The following RTN4 variants were observed in gnomAD, a reference collection of about 807,000 sequenced individuals.
The protein encoded by RTN4 is reticulon 4.
In RTN4, 32 loss-of-function variants were observed where a neutral mutation model predicts 90.4. That is an observed-to-expected ratio of 0.35 (90% confidence interval 0.27 to 0.48). RTN4 has a LOEUF of 0.48. RTN4 is among the 20% of genes least tolerant of loss of function. The pLI is 0.99. For missense variants in RTN4, 1,706 were observed against 1,430.2 expected (o/e 1.19, Z -3.11); for synonymous variants, 629 against 552.5 (o/e 1.14, Z -1.94).
chr2:55,043,009 A>G (rs902285732), intron 1 of RTN4, among the ~76,000 whole-genome samples: 1 of 152,336 alleles, frequency 6.6e-6, no homozygotes, highest in Middle Eastern at 3.4e-3. Context: ...AGAAACATAA[A>G]TATCAATAGC....
At chr2:55,003,925 G>A (rs1475383683) in intron 3 of RTN4, among the ~76,000 whole-genome samples, 1 of 152,092 alleles carries the variant, frequency 6.6e-6, no homozygotes, top group Non-Finnish European at 1.5e-5. Context: ...ACGCGGGGTG[G>A]AGGGCTGGAA....
At chr2:54,992,534 C>A (rs1474768747) in intron 3 of RTN4, among the ~76,000 whole-genome samples, 1 of 151,980 alleles carries the variant, frequency 6.6e-6, no homozygotes, top group Non-Finnish European at 1.5e-5. Context: ...GAGAACAGGG[C>A]TTTACTCCAA....
chr2:55,022,929 ACC>A (rs1491146051), intron 3 of RTN4, among the ~76,000 whole-genome samples: 144 of 149,970 alleles, frequency 9.6e-4, no homozygotes, highest in African/African-American at 3.4e-3. Context: ...ACACACACAC[ACC>A]CTGCTCTCCC....
chr2:55,099,619 C>T (rs1667816417), intron 1 of RTN4, among the ~76,000 whole-genome samples: 1 of 152,002 alleles, frequency 6.6e-6, no homozygotes, highest in Admixed American at 6.6e-5. Flanking sequence ...TAGAGACTGA[C>T]TTTAAATTTT....
intron 4 of RTN4, among the ~76,000 whole-genome samples, chr2:54,986,890 A>C (rs997298501): frequency 8.5e-5 from 13 of 152,164 alleles, no homozygotes; most frequent in Admixed American, 6.5e-4. Context: ...GCAGAGTATG[A>C]GGTGAGGGCA....
chr2:55,111,997 G>A (rs745747515), intron 1 of RTN4, among the ~76,000 whole-genome samples: 15 of 152,118 alleles, frequency 9.9e-5, no homozygotes, highest in Admixed American at 2.0e-4. Flanking sequence ...AGTCTCTGGG[G>A]ATCCTGCTCC....
At chr2:55,079,275 AAATTCATTGTGCCTGGGTGGTT>A (rs1668659670) in intron 2 of RTN4, among the ~76,000 whole-genome samples, 3 of 152,318 alleles carry the variant, frequency 2.0e-5, no homozygotes, top group African/African-American at 7.2e-5. Flanking sequence ...GTGCTAGTGA[AAATTCATTGTGCCTGGGTGGTT>A]AACTCACCGT....
At chr2:55,057,402 G>T (rs2104998280) in intron 2 of RTN4, among the ~76,000 whole-genome samples, 1 of 152,290 alleles carries the variant, frequency 6.6e-6, no homozygotes, top group Non-Finnish European at 1.5e-5. Context: ...ATAGGACACA[G>T]GTCTAATTGA....
At chr2:55,044,216 T>A (rs1367238050) in intron 1 of RTN4, among the ~76,000 whole-genome samples, 1 of 151,998 alleles carries the variant, frequency 6.6e-6, no homozygotes, top group African/African-American at 2.4e-5. Flanking sequence ...TACATAAATA[T>A]AAAAGTTTTT....
intron 5 of RTN4, among the ~76,000 whole-genome samples, chr2:54,979,305 G>A (rs866406373): frequency 5.3e-5 from 8 of 151,704 alleles, no homozygotes; most frequent in Middle Eastern, 3.2e-3. Flanking sequence ...CAATCCTTCC[G>A]CCTTGGCCTC....
intron 1 of RTN4, among the ~76,000 whole-genome samples, chr2:55,096,229 G>A (rs1669031293): frequency 6.6e-6 from 1 of 152,090 alleles, no homozygotes; most frequent in Non-Finnish European, 1.5e-5. Flanking sequence ...AGGAGGCTGA[G>A]GCAGGAGAAT....
At chr2:55,032,895 G>C (rs975517119) in intron 1 of RTN4, among the ~76,000 whole-genome samples, 4 of 151,866 alleles carry the variant, frequency 2.6e-5, no homozygotes, top group African/African-American at 7.3e-5. Context: ...CGGTGTAGTG[G>C]TGCACACGTG....
chr2:54,973,756 T>C, intron 7 of RTN4, 65 bp downstream of exon 7: 1 of 1,539,740 alleles, frequency 6.5e-7, no homozygotes, highest in Non-Finnish European at 9.0e-7. Context: ...CACTAATACA[T>C]CCGTAAATCC....
chr2:55,110,202 G>A (rs1003753671), intron 1 of RTN4, among the ~76,000 whole-genome samples: 20 of 151,688 alleles, frequency 1.3e-4, no homozygotes, highest in East Asian at 3.9e-4. Context: ...TCCCAGCTAC[G>A]TGTGAGGCTG....
chr2:54,973,054 C>T lies in RTN4; in HGVS notation c.*102G>A, dbSNP rs1325331007. On this transcript the variant is annotated 3_prime_UTR_variant, in exon 9 of 9. Coordinates refer to ENST00000337526, the MANE Select transcript of RTN4 (RefSeq NM_020532.5). ...AAAGATCTAACAACGATCTGTGAAA[C>T]TGCACTGCAACGTCAAGGTTCGTTC... 2 of 893,000 alleles carry T rather than the reference C, an allele frequency of 2.2e-6. No individual in the cohort carries two copies. The highest frequency in any genetic ancestry group is 3.6e-6 in the Non-Finnish European group (2 of 562,488). The allele number at this position is 893,000 out of a possible 1,614,324, so 55.3% of individuals were successfully genotyped here.
intron 1 of RTN4, among the ~76,000 whole-genome samples, chr2:55,111,075 G>A (rs886963688): frequency 6.6e-6 from 1 of 151,988 alleles, no homozygotes. Context: ...ATGTATCTCC[G>A]CATGGGGGAT....
chr2:55,096,169 A>C (rs1186297948), intron 1 of RTN4, among the ~76,000 whole-genome samples: 1 of 152,146 alleles, frequency 6.6e-6, no homozygotes, highest in Non-Finnish European at 1.5e-5. Flanking sequence ...TCTACTAAAA[A>C]TACAAAATTA....
At chr2:54,980,208 CAAAG>C (rs1040330689) in intron 5 of RTN4, among the ~76,000 whole-genome samples, 1 of 152,102 alleles carries the variant, frequency 6.6e-6, no homozygotes, top group African/African-American at 2.4e-5. Context: ...TAAGATTTAA[CAAAG>C]AAATTATTTC....
intron 1 of RTN4, among the ~76,000 whole-genome samples, chr2:55,029,087 GC>G (rs1404263051): frequency 5.3e-5 from 8 of 152,116 alleles, no homozygotes; most frequent in Admixed American, 5.2e-4. Flanking sequence ...GGGGATTAAT[GC>G]CCTTACAAGA....
Sources: allele counts gnomAD v4.1 joint callset (sites outside exome capture counted in the v4.1 genomes callset), GRCh38; gene constraint gnomAD v4.1.1; transcripts MANE v1.5; gene names NCBI Gene and HGNC (gene_info 2026-07-23, HGNC 2026-07-21).